AGBL1: variants seen among roughly 807,000 people sequenced by gnomAD.
The protein encoded by AGBL1 is AGBL carboxypeptidase 1.
Under a neutral mutation model 118.9 loss-of-function variants are expected in AGBL1, and 130 were observed. The observed-to-expected ratio is 1.09, with a 90% CI of 0.95 to 1.26. The LOEUF (loss-of-function observed/expected upper bound fraction) is 1.26. AGBL1 is among the 50% of genes most tolerant of loss of function. AGBL1 has a pLI of 0.00. For synonymous variants in AGBL1, 555 were observed against 478.9 expected (o/e 1.16, Z -2.08); for missense variants, 1,584 against 1,298.1 (o/e 1.22, Z -3.38).
chr15:86,797,322 A>C (rs2078587309), intron 22 of AGBL1, among the ~76,000 whole-genome samples: 1 of 152,188 alleles, frequency 6.6e-6, no homozygotes, highest in Non-Finnish European at 1.5e-5. Flanking sequence ...TCCTCTTTAC[A>C]TCCCAGTGAT....
At chr15:86,357,091 G>T (rs1354178101) in intron 17 of AGBL1, among the ~76,000 whole-genome samples, 1 of 152,066 alleles carries the variant, frequency 6.6e-6, no homozygotes, top group Non-Finnish European at 1.5e-5. Context: ...ATATTTTAAC[G>T]TGGACTAAGT....
chr15:86,980,304 T>C (rs2081217967), intron 23 of AGBL1, among the ~76,000 whole-genome samples: 1 of 152,200 alleles, frequency 6.6e-6, no homozygotes, highest in African/African-American at 2.4e-5. Flanking sequence ...TTTTTGTGTG[T>C]TATTGTGATT....
At chr15:86,918,030 G>C (rs1039989635), downstream of AGBL1, among the ~76,000 whole-genome samples, 4 of 152,132 alleles carry the variant, frequency 2.6e-5, no homozygotes, top group Non-Finnish European at 4.4e-5. Flanking sequence ...TGTTCATTTT[G>C]GATGAAAACA....
intron 18 of AGBL1, among the ~76,000 whole-genome samples, chr15:86,417,937 G>A (rs1352203454): frequency 6.6e-6 from 1 of 152,144 alleles, no homozygotes; most frequent in East Asian, 1.9e-4. Flanking sequence ...GTCAAATAAA[G>A]CCTCGAAGTT....
intron 23 of AGBL1, among the ~76,000 whole-genome samples, chr15:86,922,013 C>G (rs2080486214): frequency 6.6e-6 from 1 of 152,096 alleles, no homozygotes; most frequent in South Asian, 2.1e-4. Flanking sequence ...CCAATGGTTA[C>G]TCTGTATGGA....
chr15:86,795,915 G>A lies in AGBL1; in HGVS notation c.3159-111172G>A, dbSNP rs956799181. 2.6e-5 allele frequency among the ~76,000 whole-genome samples: 4 copies of A among 151,366 alleles called. No homozygotes were observed. In the East Asian group the frequency reaches 7.9e-4, roughly 30 times the overall value. ...TCTGCTTGATCTTACAGCCCAGAAGGCACACAATAAGAAAGCACCAGATTG... is the reference window on the plus strand; with the variant it reads ...TCTGCTTGATCTTACAGCCCAGAAGACACACAATAAGAAAGCACCAGATTG... On this transcript the variant is annotated intron_variant, in intron 22 of 22. Coordinates refer to ENST00000614907, the MANE Select transcript of AGBL1 (RefSeq NM_001386094.1).
chr15:86,277,519 G>A (rs2079276848), intron 15 of AGBL1, among the ~76,000 whole-genome samples: 1 of 152,040 alleles, frequency 6.6e-6, no homozygotes. Flanking sequence ...CTGAATGAGG[G>A]AAAGAACATA....
At chr15:86,662,550 A>G (rs939231215) in intron 21 of AGBL1, among the ~76,000 whole-genome samples, 9 of 152,204 alleles carry the variant, frequency 5.9e-5, no homozygotes, top group Admixed American at 5.9e-4. Context: ...GAGCAGTGCT[A>G]CTCAAAGTAT....
At chr15:86,640,915 G>C (rs571284851) in intron 21 of AGBL1, among the ~76,000 whole-genome samples, 6 of 152,042 alleles carry the variant, frequency 3.9e-5, no homozygotes, top group Middle Eastern at 3.4e-3. Context: ...CTGATTATTT[G>C]ATACAAAAAT....
In AGBL1 at chr15:86,912,434, C is replaced by G. The variant is rs954854254; in HGVS notation, c.*5140C>G. On this transcript the variant is annotated 3_prime_UTR_variant, in exon 23 of 23. Transcript: ENST00000614907. ...TGCAGCTCCATGGATATCATGCCAA[C>G]TTGGCTGCCTGGGCTCTCCTTGCAA... The G allele has an allele frequency of 6.6e-6, 1 of 152,150 alleles. No individual in the cohort carries two copies. Among genetic ancestry groups the G allele is most frequent in the Non-Finnish European group, 1.5e-5 (1 of 68,046 alleles). The allele number at this position is 152,150 out of a possible 1,614,324, so 9.4% of individuals were successfully genotyped here.
chr15:86,698,525 G>A (rs938802889), intron 22 of AGBL1, among the ~76,000 whole-genome samples: 8 of 151,706 alleles, frequency 5.3e-5, no homozygotes, highest in African/African-American at 1.2e-4. Context: ...TTCTTTAGGG[G>A]AGATAATCCA....
chr15:86,512,716 T>A (rs1221096978), intron 18 of AGBL1, among the ~76,000 whole-genome samples: 1 of 151,904 alleles, frequency 6.6e-6, no homozygotes, highest in Non-Finnish European at 1.5e-5. Context: ...TTGCCTTGAA[T>A]CCTTGTTATC....
rs148153381 is a variant in AGBL1 at position 86,877,430 on chromosome 15, G to A, written c.3159-29657G>A. 1.2e-4 allele frequency among the ~76,000 whole-genome samples: 18 copies of A among 152,256 alleles called. No individual in the cohort carries two copies. In the East Asian group the frequency reaches 3.5e-3, roughly 29 times the overall value. On this transcript the variant is annotated intron_variant, in intron 22 of 22. Transcript: ENST00000614907. Reference sequence around the variant, plus strand: ...TGGGCAGATAACCATCTCTTCTGGAGGATATTAAGTTGTGTTCTTGGAGAT... The same window carrying A: ...TGGGCAGATAACCATCTCTTCTGGAAGATATTAAGTTGTGTTCTTGGAGAT...
chr15:86,568,751 T>C (rs2083957190), intron 21 of AGBL1, among the ~76,000 whole-genome samples: 2 of 152,108 alleles, frequency 1.3e-5, no homozygotes, highest in South Asian at 4.1e-4. Context: ...GATCCATTTT[T>C]CCCATAAATT....
intron 6 of AGBL1, among the ~76,000 whole-genome samples, chr15:86,241,985 T>G (rs2078648473): frequency 6.6e-6 from 1 of 152,084 alleles, no homozygotes. Flanking sequence ...ATCATGAGAG[T>G]GGGTCTTTCC....
At chr15:86,654,613 A>G (rs2085432804) in intron 21 of AGBL1, among the ~76,000 whole-genome samples, 1 of 152,158 alleles carries the variant, frequency 6.6e-6, no homozygotes, top group Admixed American at 6.6e-5. Context: ...TAGAATCCAC[A>G]TACATTCATG....
At chr15:86,175,442 A>G (rs925803372) in intron 5 of AGBL1, among the ~76,000 whole-genome samples, 19 of 151,660 alleles carry the variant, frequency 1.3e-4, no homozygotes, top group African/African-American at 4.6e-4. Flanking sequence ...GATTTTATTT[A>G]TTTTTTAAAA....
Position 86,180,843 on chromosome 15 carries a change from T to C in AGBL1, c.488+21817T>C, listed in dbSNP as rs570433724. Reference sequence around the variant, plus strand: ...TAAATAATAAAAAAGAACAATCCAATTAAAAATGGACAAAAGATTTGAACA... The same window carrying C: ...TAAATAATAAAAAAGAACAATCCAACTAAAAATGGACAAAAGATTTGAACA... On this transcript the variant is annotated intron_variant, in intron 5 of 22. Coordinates refer to ENST00000614907, the MANE Select transcript of AGBL1 (RefSeq NM_001386094.1). Among the ~76,000 whole-genome samples, 3 of 152,036 alleles carry C rather than the reference T, an allele frequency of 2.0e-5. No individual in the cohort carries two copies. The East Asian group carries it at 5.8e-4, about 29-fold the overall frequency.
chr15:86,858,797 G>T (rs1038710845), intron 22 of AGBL1, among the ~76,000 whole-genome samples: 10 of 152,160 alleles, frequency 6.6e-5, no homozygotes, highest in African/African-American at 2.4e-4. Flanking sequence ...GTACTTGTAT[G>T]TGAATTAAGG....
Sources: gnomAD v4.1 joint callset for allele counts (sites outside exome capture counted in the v4.1 genomes callset) on GRCh38, gnomAD v4.1.1 for gene constraint, MANE v1.5 for transcripts, NCBI Gene and HGNC (gene_info 2026-07-23, HGNC 2026-07-21) for gene names.